The following PRRC2B variants were observed in gnomAD, a reference collection of about 807,000 sequenced individuals.
The protein encoded by PRRC2B is protein PRRC2B.
Under a neutral mutation model 242.3 loss-of-function variants are expected in PRRC2B, and 68 were observed. That is an observed-to-expected ratio of 0.28 (90% CI 0.23 to 0.34). The LOEUF is 0.34. Ranked by LOEUF, PRRC2B falls within the 10% of genes least tolerant of loss-of-function variation. The pLI, the probability that PRRC2B is intolerant of heterozygous loss-of-function variation, is 1.00. For synonymous variants in PRRC2B, 1,228 were observed against 1,173.6 expected, an observed-to-expected ratio of 1.05 and a Z score of -0.95; for missense variants, 2,835 against 2,954.8, an observed-to-expected ratio of 0.96 and a Z score of 0.94.
At position 131,459,318 on chromosome 9, in the gene PRRC2B, A is replaced by G; in HGVS notation, c.1366A>G (p.Arg456Gly). ...RKAPDPQPPP[R>G]KLHGWAPGPD... is the part of the protein sequence containing the mutation. ...GGCGCCAGACCCTCAGCCACCGCCC[A>G]GGAAGCTTCATGGCTGGGCACCAGG... Residue 456 changes from arginine (R) to glycine (G), a missense_variant, in exon 11 of 32, where the codon AGG (arginine) becomes GGG (glycine). Around this residue, in one of 7 missense-constraint regions of PRRC2B, gnomAD observed 626 missense variants for 685.5 expected, o/e 0.91. Transcript: ENST00000683519. 1.2e-6 allele frequency: 2 copies of G among 1,613,832 alleles called. No individual in the cohort carries two copies. The highest frequency in any genetic ancestry group is 1.7e-6 in the Non-Finnish European group (2 of 1,179,782).
In PRRC2B at chr9:131,435,424, G is replaced by T. The variant is rs113435454; in HGVS notation, c.294-1196G>T. Among the ~76,000 whole-genome samples, 1,189 of 152,160 alleles carry T rather than the reference G, an allele frequency of 7.8e-3. 18 individuals carry two copies. Among genetic ancestry groups the T allele is most frequent in the African/African-American group, 0.025 (1,044 of 41,508 alleles). On this transcript the variant is annotated intron_variant, in intron 3 of 31. Coordinates refer to ENST00000683519, the MANE Select transcript of PRRC2B (RefSeq NM_013318.4). The stretch of plus-strand genomic sequence containing the variant: ...GAGGTCAGGAGTTCAAGACTGGCCT[G>T]GCCAACATGTTGAAACCCCGTCTCT...
At chr9:131,423,164 G>A (rs149448185) in intron 1 of PRRC2B, among the ~76,000 whole-genome samples, 3 of 152,304 alleles carry the variant, frequency 2.0e-5, no homozygotes, top group East Asian at 3.9e-4. Flanking sequence ...AGGTAAAGCC[G>A]TGGCCATAAG....
At position 131,432,797 on chromosome 9, in the gene PRRC2B, A is replaced by G. The variant is rs760703951; in HGVS notation, c.293+3A>G. On this transcript the variant is annotated splice_donor_region_variant and intron_variant, in intron 3 of 31. Transcript: ENST00000683519. Reference sequence around the variant, plus strand: ...CAGGATCAGCAAGACCCAAAGAGGTAAACGGAGGAGGCGGGTGGTGAGTGG... The same window carrying G: ...CAGGATCAGCAAGACCCAAAGAGGTGAACGGAGGAGGCGGGTGGTGAGTGG... 3 of 1,613,566 alleles carry G rather than the reference A, an allele frequency of 1.9e-6. No homozygotes were observed. The South Asian group carries it at 3.3e-5, about 18-fold the overall frequency.
intron 2 of PRRC2B, among the ~76,000 whole-genome samples, chr9:131,430,583 GTGTGTGTGTGTGTA>G (rs1234828913): frequency 1.1e-4 from 15 of 135,550 alleles, no homozygotes; most frequent in East Asian, 4.0e-4. Flanking sequence ...GTGTGTGTGT[GTGTGTGTGTGTGTA>G]TATATATGTT....
At chr9:131,485,279 G>A (rs1427444697) in intron 25 of PRRC2B, 139 bp downstream of exon 25, 21 of 698,138 alleles carry the variant, frequency 3.0e-5, no homozygotes, top group Non-Finnish European at 4.2e-5. Flanking sequence ...AGGCCCAGTG[G>A]TCGTAGCTCC....
At chr9:131,465,131 G>T in intron 12 of PRRC2B, 53 bp downstream of exon 12, 2 of 1,519,372 alleles carry the variant, frequency 1.3e-6, no homozygotes, top group Non-Finnish European at 8.9e-7. Context: ...TGTTGTCCTC[G>T]TCTTGTTACT....
At chr9:131,444,502 TG>T (rs1838722696) in intron 6 of PRRC2B, among the ~76,000 whole-genome samples, 174 bp downstream of exon 6, 2 of 152,210 alleles carry the variant, frequency 1.3e-5, no homozygotes, top group African/African-American at 2.4e-5. Context: ...CCTAGGCCAT[TG>T]GATTGGGCCT....
chr9:131,430,248 T>A lies in PRRC2B; in HGVS notation c.104T>A (p.Ile35Asn). Residue 35 changes from isoleucine (I) to asparagine (N), a missense_variant, in exon 2 of 32, where the codon ATT (isoleucine) becomes AAT (asparagine). This residue lies in a region of PRRC2B where 626 missense variants were observed against 685.5 expected (regional missense o/e 0.91). Coordinates refer to ENST00000683519, the MANE Select transcript of PRRC2B (RefSeq NM_013318.4). ...TATAAAGGAAAATCAGTAGACGCGATTAGATCCTCAGGTAAGGCCCAGGGT... is the reference window on the plus strand; with the variant it reads ...TATAAAGGAAAATCAGTAGACGCGAATAGATCCTCAGGTAAGGCCCAGGGT... ...DKYKGKSVDAIRSSVIPRHGL... is the reference protein window; with the variant it reads ...DKYKGKSVDANRSSVIPRHGL... The A allele has an allele frequency of 6.3e-7, 1 of 1,590,038 alleles. No individual in the cohort carries two copies. Among genetic ancestry groups the A allele is most frequent in the East Asian group, 2.3e-5 (1 of 44,192 alleles).
chr9:131,481,686 T>A, intron 19 of PRRC2B, 40 bp from the exon 20 acceptor site: 1 of 1,469,238 alleles, frequency 6.8e-7, no homozygotes, highest in Non-Finnish European at 9.3e-7. Flanking sequence ...CTAGACGGGT[T>A]GCTCTTTGAT....
intron 1 of PRRC2B, among the ~76,000 whole-genome samples, chr9:131,419,564 GAAC>G (rs1837742184): frequency 1.3e-5 from 2 of 152,206 alleles, no homozygotes; most frequent in Non-Finnish European, 2.9e-5. Context: ...GCTGGAGAGA[GAAC>G]AAGAGCAGAA....
chr9:131,429,946 A>G (rs1838078709), intron 1 of PRRC2B, 148 bp from the exon 2 acceptor site: 4 of 570,846 alleles, frequency 7.0e-6, no homozygotes, highest in Non-Finnish European at 1.2e-5. Flanking sequence ...GCAGTTTTCT[A>G]AGGACAGTCC....
chr9:131,473,573 A>C lies in PRRC2B; in HGVS notation c.2173A>C (p.Asn725His). The C allele has an allele frequency of 6.2e-7, 1 of 1,611,320 alleles. No individual in the cohort carries two copies. Among genetic ancestry groups the C allele is most frequent in the Non-Finnish European group, 8.5e-7 (1 of 1,178,810 alleles). The change falls in exon 15 of 32, where the codon AAC becomes CAC. Residue 725 changes from asparagine to histidine, a missense_variant. By Grantham distance (68) the Asn-to-His change is moderately conservative. This residue lies in a region of PRRC2B where 1,536 missense variants were observed against 1,483.1 expected (regional missense o/e 1.04). Coordinates refer to ENST00000683519, the MANE Select transcript of PRRC2B (RefSeq NM_013318.4). Reference protein sequence around the residue: ...NGTGCRSEDQNCVPPLQERKV... With the variant: ...NGTGCRSEDQHCVPPLQERKV... Reference sequence around the variant, plus strand: ...GACAGGCTGTCGCTCTGAGGATCAGAACTGTGTGCCCCCACTCCAAGAAAG... The same window carrying C: ...GACAGGCTGTCGCTCTGAGGATCAGCACTGTGTGCCCCCACTCCAAGAAAG...
chr9:131,430,561 ATGTGTGTGTG>A (rs200517031), intron 2 of PRRC2B, among the ~76,000 whole-genome samples: 3 of 118,720 alleles, frequency 2.5e-5, no homozygotes, highest in African/African-American at 9.6e-5. Context: ...GTGTGTGTGT[ATGTGTGTGTG>A]TGTGTGTGTG....
intron 23 of PRRC2B, 82 bp from the exon 24 acceptor site, chr9:131,484,604 T>C (rs1456787522): frequency 8.8e-7 from 1 of 1,130,130 alleles, no homozygotes; most frequent in African/African-American, 1.6e-5. Context: ...CTTGAGTGTG[T>C]TCAGGAGAGC....
At chr9:131,492,004 C>G (rs1312167589) in intron 29 of PRRC2B, among the ~76,000 whole-genome samples, 165 bp from the exon 30 acceptor site, 1 of 152,190 alleles carries the variant, frequency 6.6e-6, no homozygotes, top group Non-Finnish European at 1.5e-5. Context: ...GGAAAATTGT[C>G]TTCCATGAAA....
At chr9:131,477,977 A>G (rs1943752169) in intron 17 of PRRC2B, 28 bp downstream of exon 17, 1 of 1,601,898 alleles carries the variant, frequency 6.2e-7, no homozygotes, top group Non-Finnish European at 8.5e-7. Context: ...CTTCAGGGGA[A>G]AGAACTCAGG....
chr9:131,484,682 C>G lies in PRRC2B; in HGVS notation c.5461-4C>G, dbSNP rs1943965824. Reference sequence around the variant, plus strand: ...TTCCATGGTTTCCTTTTCCTCCTCTCCAGGCAGGGTTAACACAGAGTATCC... The same window carrying G: ...TTCCATGGTTTCCTTTTCCTCCTCTGCAGGCAGGGTTAACACAGAGTATCC... On this transcript the variant is annotated splice_region_variant and splice_polypyrimidine_tract_variant and intron_variant, in intron 23 of 31. Transcript: ENST00000683519. 6.3e-7 allele frequency: 1 copy of G among 1,595,902 alleles called. No individual in the cohort carries two copies. The highest frequency in any genetic ancestry group is 1.3e-5 in the African/African-American group (1 of 74,166).
At chr9:131,459,097 T>G in intron 10 of PRRC2B, 67 bp from the exon 11 acceptor site, 1 of 1,462,330 alleles carries the variant, frequency 6.8e-7, no homozygotes, top group East Asian at 2.3e-5. Context: ...TCAAGGCCTC[T>G]GACCAGTGAG....
At position 131,495,883 on chromosome 9, in the gene PRRC2B, G is replaced by A; in HGVS notation, c.*9G>A. 1 of 1,598,948 alleles carries A rather than the reference G, an allele frequency of 6.3e-7. No homozygotes were observed. The highest frequency in any genetic ancestry group is 8.6e-7 in the Non-Finnish European group (1 of 1,168,218). On this transcript the variant is annotated 3_prime_UTR_variant, in exon 32 of 32. Coordinates refer to ENST00000683519, the MANE Select transcript of PRRC2B (RefSeq NM_013318.4). ...AGGAGAGTAAGGCCTGACAGTGCCT[G>A]GCTGCCACCTCGCCTCTCCCTACTG...
Sources: allele counts gnomAD v4.1 joint callset (sites outside exome capture counted in the v4.1 genomes callset), GRCh38; gene constraint gnomAD v4.1.1; regional missense constraint gnomAD v4.1.1; transcripts MANE v1.5; gene names NCBI Gene and HGNC (gene_info 2026-07-23, HGNC 2026-07-21).